The following AHI1 variants were observed in gnomAD, a reference collection of about 807,000 sequenced individuals.
AHI1 encodes Abelson helper integration site 1.
AHI1 carries 123 observed loss-of-function variants against 149.3 expected under a neutral mutation model. The observed-to-expected ratio is 0.82, with a 90% confidence interval of 0.71 to 0.96. The LOEUF (loss-of-function observed/expected upper bound fraction) is 0.96. Ranked by LOEUF, AHI1 falls within the 40% of genes least tolerant of loss-of-function variation. The probability of loss-of-function intolerance (pLI) is 0.00; values close to 1 mark genes in which losing one functional copy is unlikely to be tolerated. For missense variants in AHI1, 1,439 were observed against 1,422.7 expected, an observed-to-expected ratio of 1.01 and a Z score of -0.18; for synonymous variants, 475 against 459.8, an observed-to-expected ratio of 1.03 and a Z score of -0.42.
At chr6:135,468,282 A>G (rs1343238491) in intron 5 of AHI1, among the ~76,000 whole-genome samples, 1 of 152,204 alleles carries the variant, frequency 6.6e-6, no homozygotes, top group Non-Finnish European at 1.5e-5. Flanking sequence ...TTAAAACAGT[A>G]AAAATAAATA....
intron 3 of AHI1, chr6:135,492,813 ATGTG>A (rs1795437497): frequency 1.0e-6 from 1 of 985,136 alleles, no homozygotes; most frequent in African/African-American, 1.7e-5. Context: ...TAAAACCTGG[ATGTG>A]TATTACTGTG....
chr6:135,358,086 T>C, intron 24 of AHI1, 46 bp downstream of exon 24: 1 of 1,556,148 alleles, frequency 6.4e-7, no homozygotes, highest in Non-Finnish European at 8.8e-7. Flanking sequence ...AGTATAATTT[T>C]GTACTTTCTT....
At chr6:135,487,192 AACTC>A (rs1310582257) in intron 5 of AHI1, among the ~76,000 whole-genome samples, 1 of 152,160 alleles carries the variant, frequency 6.6e-6, no homozygotes, top group Non-Finnish European at 1.5e-5. Flanking sequence ...CTTTTAAAAA[AACTC>A]ACTTAATTTT....
Position 135,497,239 on chromosome 6 carries a change from AG to A in AHI1, c.-192del, listed in dbSNP as rs933474911. The A allele has an allele frequency of 2.0e-4, 31 of 152,372 alleles. No individual in the cohort carries two copies. The highest frequency in any genetic ancestry group is 7.5e-4 in the African/African-American group (31 of 41,582). The allele number at this position is 152,372 out of a possible 1,614,324, so 9.4% of individuals were successfully genotyped here. A position where few individuals can be genotyped will look rare whatever the true frequency, so the allele number is the denominator to read the frequency against. ...TTTGACAGGTTGAAGATTCAGCCCC[AG>A]GTTGACACTCTAAAAGGAAATAAAC... On this transcript the variant is annotated 5_prime_UTR_variant, in exon 2 of 29. Transcript: ENST00000265602.
Position 135,447,069 on chromosome 6 carries a change from T to C in AHI1, c.1718A>G (p.Asp573Gly). ...CERHHESSSVDTEPGLEESKE... is the reference protein window; with the variant it reads ...CERHHESSSVGTEPGLEESKE... Reference sequence around the variant, plus strand: ...TGACTCTTCTAATCCAGGTTCTGTGTCTACTGAGCTTGACTCATGGTGACG... The same window carrying C: ...TGACTCTTCTAATCCAGGTTCTGTGCCTACTGAGCTTGACTCATGGTGACG... The change falls in exon 13 of 29, where the codon GAC (aspartate) becomes GGC (glycine). Residue 573 changes from aspartate to glycine, a missense_variant. Transcript: ENST00000265602. 6.2e-7 allele frequency: 1 copy of C among 1,613,622 alleles called. No individual in the cohort carries two copies. Among genetic ancestry groups the C allele is most frequent in the East Asian group, 2.2e-5 (1 of 44,846 alleles).
intron 24 of AHI1, among the ~76,000 whole-genome samples, chr6:135,354,214 T>G (rs1792604136): frequency 1.3e-5 from 2 of 152,094 alleles, no homozygotes; most frequent in African/African-American, 4.8e-5. Context: ...CTAAAAATAT[T>G]AATATTAGTG....
chr6:135,438,588 A>G, intron 14 of AHI1, 90 bp from the exon 15 acceptor site: 1 of 1,059,152 alleles, frequency 9.4e-7, no homozygotes, highest in Non-Finnish European at 1.2e-6. Context: ...ATTTAGACAT[A>G]AGCAGTCTAT....
intron 22 of AHI1, among the ~76,000 whole-genome samples, chr6:135,399,666 C>T (rs1425408356): frequency 2.0e-5 from 3 of 151,972 alleles, no homozygotes; most frequent in Non-Finnish European, 4.4e-5. Flanking sequence ...CCTTCTAATG[C>T]TGATGTTTCT....
chr6:135,469,609 AC>A (rs1415941106), intron 5 of AHI1, among the ~76,000 whole-genome samples: 4 of 152,186 alleles, frequency 2.6e-5, no homozygotes, highest in African/African-American at 9.7e-5. Context: ...TGGTACAGGA[AC>A]AAAAACAGAC....
At chr6:135,467,129 G>A (rs1033029303) in intron 6 of AHI1, among the ~76,000 whole-genome samples, 1 of 152,138 alleles carries the variant, frequency 6.6e-6, no homozygotes, top group African/African-American at 2.4e-5. Context: ...CCAGCAAAGA[G>A]AGAAAGGGCA....
chr6:135,476,574 C>T (rs1162063026), intron 5 of AHI1, among the ~76,000 whole-genome samples: 1 of 151,852 alleles, frequency 6.6e-6, no homozygotes, highest in African/African-American at 2.4e-5. Flanking sequence ...AAAGAGGATA[C>T]TAACATATCT....
In AHI1 at chr6:135,490,642, C is replaced by G; in HGVS notation, c.116G>C (p.Arg39Thr). 6.2e-7 allele frequency: 1 copy of G among 1,613,546 alleles called. No individual in the cohort carries two copies. Residue 39 changes from arginine (R) to threonine (T), a missense_variant, in exon 5 of 29, where the codon AGG becomes ACG. By Grantham distance (71) the Arg-to-Thr change is moderately conservative. Transcript: ENST00000265602. ...ACTTACTGAGATGTTTTCTTCAGAC[C>G]TGACAAGTTTTTTCTTCAGTTTTTT... Reference protein sequence around the residue: ...EKKKLKKKLVRSEENISPDTI... With the variant: ...EKKKLKKKLVTSEENISPDTI...
At chr6:135,308,922 C>A (rs1438704864) in intron 26 of AHI1, among the ~76,000 whole-genome samples, 1 of 152,174 alleles carries the variant, frequency 6.6e-6, no homozygotes, top group Non-Finnish European at 1.5e-5. Flanking sequence ...GATAAGCAGC[C>A]TGCAGGGTCT....
In AHI1 at chr6:135,404,931, T is replaced by C. The variant is rs1562685724; in HGVS notation, c.2988+20A>G. On this transcript the variant is annotated intron_variant, in intron 22 of 28. Coordinates refer to ENST00000265602, the MANE Select transcript of AHI1 (RefSeq NM_001134831.2). ...CACTATACCTTTGAAGTTATCTTCC[T>C]GGTAATAAAAACTACTTACTTTTGC... The C allele has an allele frequency of 3.1e-6, 5 of 1,605,642 alleles. No homozygotes were observed. Among genetic ancestry groups the C allele is most frequent in the Non-Finnish European group, 3.4e-6 (4 of 1,172,888 alleles).
At chr6:135,407,808 C>T (rs1022888386) in intron 21 of AHI1, among the ~76,000 whole-genome samples, 2 of 152,022 alleles carry the variant, frequency 1.3e-5, no homozygotes, top group East Asian at 1.9e-4. Context: ...GTCAGGAGAT[C>T]GAGATCATCC....
chr6:135,358,151 T>A lies in AHI1; in HGVS notation c.3146A>T (p.Gln1049Leu). The A allele has an allele frequency of 6.2e-7, 1 of 1,613,208 alleles. No homozygotes were observed. The highest frequency in any genetic ancestry group is 1.3e-5 in the African/African-American group (1 of 75,012). ...ISIERKPCNH[Q>L]VDTAPTVVAL... ...TCTTACCGTTGGTGCTGTATCTACC[T>A]GATGGTTACAAGGCTTTCTTTCTAT... Residue 1049 changes from glutamine to leucine, a missense_variant, in exon 24 of 29, where the codon CAG (glutamine) becomes CTG (leucine). Coordinates refer to ENST00000265602, the MANE Select transcript of AHI1 (RefSeq NM_001134831.2).
intron 22 of AHI1, among the ~76,000 whole-genome samples, chr6:135,397,564 T>C (rs560727303): frequency 6.6e-6 from 1 of 152,126 alleles, no homozygotes; most frequent in East Asian, 1.9e-4. Flanking sequence ...CATAAAACTG[T>C]TTTGCCTACT....
chr6:135,344,424 T>G (rs1790854401), intron 24 of AHI1, among the ~76,000 whole-genome samples: 1 of 151,104 alleles, frequency 6.6e-6, no homozygotes, highest in African/African-American at 2.4e-5. Context: ...AATTTATTTT[T>G]ATATACTATA....
chr6:135,297,881 G>A (rs1783335700), intron 27 of AHI1, among the ~76,000 whole-genome samples: 2 of 152,094 alleles, frequency 1.3e-5, no homozygotes, highest in South Asian at 4.1e-4. Flanking sequence ...CAGGATGCTT[G>A]GAATTGACAT....
Sources: allele counts gnomAD v4.1 joint callset (sites outside exome capture counted in the v4.1 genomes callset), GRCh38; gene constraint gnomAD v4.1.1; transcripts MANE v1.5; gene names NCBI Gene and HGNC (gene_info 2026-07-23, HGNC 2026-07-21).